GPC5: variants seen among roughly 807,000 people sequenced by gnomAD.
The protein encoded by GPC5 is glypican 5.
A neutral mutation model predicts 53.9 loss-of-function variants in GPC5; 47 were observed. The ratio of observed to expected loss-of-function variants is 0.87; its 90% CI spans 0.69 to 1.11. The LOEUF (loss-of-function observed/expected upper bound fraction) is 1.11, where lower values mean the gene tolerates loss of function less well. GPC5 is among the 50% of genes most tolerant of loss of function. The pLI, the probability that GPC5 is intolerant of heterozygous loss-of-function variation, is 0.00. For synonymous variants in GPC5, 286 were observed against 263.3 expected (o/e 1.09, Z -0.84); for missense variants, 748 against 713.1 (o/e 1.05, Z -0.56).
intron 7 of GPC5, among the ~76,000 whole-genome samples, chr13:92,707,009 A>G (rs1206515678): frequency 1.3e-5 from 2 of 152,140 alleles, no homozygotes; most frequent in African/African-American, 2.4e-5. Context: ...CACCAAGGAA[A>G]GGCCATGAGA....
At chr13:91,941,383 G>A (rs780017458) in intron 6 of GPC5, among the ~76,000 whole-genome samples, 1 of 152,020 alleles carries the variant, frequency 6.6e-6, no homozygotes, top group Non-Finnish European at 1.5e-5. Flanking sequence ...ATTCAATCCA[G>A]TCCTTCAATT....
intron 7 of GPC5, among the ~76,000 whole-genome samples, chr13:92,509,089 G>A (rs1362268839): frequency 6.6e-6 from 1 of 152,110 alleles, no homozygotes; most frequent in Non-Finnish European, 1.5e-5. Flanking sequence ...ACAAGCACTC[G>A]AAGGAAAAAG....
Position 92,347,865 on chromosome 13 carries a change from TA to T in GPC5, c.1561+202877del, listed in dbSNP as rs2043428761. Among the ~76,000 whole-genome samples the T allele has an allele frequency of 1.5e-4, 2 of 13,508 alleles. 1 individual carries two copies. Among genetic ancestry groups the T allele is most frequent in the African/African-American group, 1.4e-3 (2 of 1,448 alleles). 8.9% of individuals were successfully genotyped at this position (13,508 alleles called of 152,430 possible). Reference sequence around the variant, plus strand: ...TAGGCTGTTTTATACATATATATATTATATATATAATATATATTATATATAT... The same window carrying T: ...TAGGCTGTTTTATACATATATATATTTATATATAATATATATTATATATAT... On this transcript the variant is annotated intron_variant, in intron 7 of 7. Transcript: ENST00000377067.
chr13:92,523,355 A>G (rs1036244624), intron 7 of GPC5, among the ~76,000 whole-genome samples: 4 of 152,130 alleles, frequency 2.6e-5, no homozygotes, highest in Non-Finnish European at 5.9e-5. Context: ...ATTTTAGAAC[A>G]TAGTTACTTA....
At chr13:92,377,166 A>G (rs1323079006) in intron 7 of GPC5, among the ~76,000 whole-genome samples, 2 of 152,210 alleles carry the variant, frequency 1.3e-5, no homozygotes, top group East Asian at 1.9e-4. Context: ...ACTCAATGCT[A>G]CCATCATATT....
intron 7 of GPC5, among the ~76,000 whole-genome samples, chr13:92,466,086 G>A (rs367834022): frequency 1.3e-5 from 2 of 152,062 alleles, no homozygotes; most frequent in African/African-American, 4.8e-5. Flanking sequence ...ACAAATGTGA[G>A]GTGACAGATA....
intron 7 of GPC5, among the ~76,000 whole-genome samples, chr13:92,798,260 T>C (rs903039175): frequency 6.6e-6 from 1 of 151,876 alleles, no homozygotes; most frequent in African/African-American, 2.4e-5. Context: ...TTATAAATGT[T>C]TGTTTATGGA....
intron 7 of GPC5, among the ~76,000 whole-genome samples, chr13:92,341,700 G>A (rs1235347874): frequency 2.6e-5 from 4 of 151,992 alleles, no homozygotes. Flanking sequence ...AGGTTGAGAA[G>A]GGAGAATTGC....
rs559469679 is a variant in GPC5 at position 91,544,562 on chromosome 13, T to G, written c.325+95640T>G. Among the ~76,000 whole-genome samples the G allele has an allele frequency of 2.0e-5, 3 of 152,348 alleles. No individual in the cohort carries two copies. In the South Asian group the frequency reaches 6.2e-4, roughly 32 times the overall value. ...TCATTAAATATGTTTCACTAAATTG[T>G]TGTTCAAAAAGTTGTATTCATATTT... On this transcript the variant is annotated intron_variant, in intron 2 of 7. Coordinates refer to ENST00000377067, the MANE Select transcript of GPC5 (RefSeq NM_004466.6).
Position 92,323,571 on chromosome 13 carries a change from T to G in GPC5, c.1561+178582T>G, listed in dbSNP as rs150565300. 8.1e-3 allele frequency among the ~76,000 whole-genome samples: 1,231 copies of G among 151,812 alleles called. 5 individuals carry two copies. Among genetic ancestry groups the G allele is most frequent in the Non-Finnish European group, 0.013 (889 of 67,792 alleles). ...TTTTTATGCACATTGTATTATCTCC[T>G]CAAAAGAACAATTTATTTTTACTTA... On this transcript the variant is annotated intron_variant, in intron 7 of 7. Transcript: ENST00000377067.
chr13:92,615,590 A>C (rs1461110688), intron 7 of GPC5, among the ~76,000 whole-genome samples: 1 of 152,198 alleles, frequency 6.6e-6, no homozygotes, highest in Admixed American at 6.5e-5. Context: ...AAACATCTAG[A>C]GTAAAATTAC....
At chr13:92,429,208 C>A (rs1232500866) in intron 7 of GPC5, among the ~76,000 whole-genome samples, 2 of 151,856 alleles carry the variant, frequency 1.3e-5, no homozygotes, top group African/African-American at 4.8e-5. Flanking sequence ...ATGCAAATAT[C>A]TATCATGAAA....
intron 7 of GPC5, among the ~76,000 whole-genome samples, chr13:92,763,535 A>C (rs1265391954): frequency 6.6e-6 from 1 of 152,118 alleles, no homozygotes; most frequent in African/African-American, 2.4e-5. Flanking sequence ...TCTTGGTATC[A>C]GGTCTGACAC....
At chr13:92,121,875 T>G (rs892071645) in intron 6 of GPC5, among the ~76,000 whole-genome samples, 5 of 152,180 alleles carry the variant, frequency 3.3e-5, no homozygotes, top group African/African-American at 9.7e-5. Flanking sequence ...AGTGCCAAAT[T>G]TATTTGCTTA....
At chr13:92,846,693 T>C (rs1490532819) in intron 7 of GPC5, among the ~76,000 whole-genome samples, 7 of 152,220 alleles carry the variant, frequency 4.6e-5, no homozygotes, top group Non-Finnish European at 1.0e-4. Context: ...TTCCATCTGG[T>C]GGTAAGTGAC....
rs1460299993 is a variant in GPC5, at chr13:92,866,311, G to A, written c.1591G>A (p.Val531Ile). The A allele has an allele frequency of 3.7e-6, 6 of 1,612,320 alleles. No homozygotes were observed. Among genetic ancestry groups the A allele is most frequent in the Middle Eastern group, 1.7e-4 (1 of 6,040 alleles). The change falls in exon 8 of 8, where the codon GTA becomes ATA. Residue 531 changes from valine to isoleucine, a missense_variant. Transcript: ENST00000377067. ...WMPDDMNFSD[V>I]KQIHQTDTGS... ...GCCAGATGATATGAACTTCAGTGAT[G>A]TAAAGCAAATCCATCAAACAGACAC...
intron 6 of GPC5, among the ~76,000 whole-genome samples, chr13:91,918,856 C>T (rs1371095499): frequency 1.3e-5 from 2 of 152,078 alleles, no homozygotes; most frequent in Admixed American, 1.3e-4. Flanking sequence ...TGGGTTCCCA[C>T]GCAGTCCCTT....
intron 3 of GPC5, among the ~76,000 whole-genome samples, chr13:91,717,466 G>C (rs972401244): frequency 6.6e-6 from 1 of 152,184 alleles, no homozygotes; most frequent in African/African-American, 2.4e-5. Flanking sequence ...AGAAGAGCTA[G>C]GGAAAGCTCA....
intron 2 of GPC5, among the ~76,000 whole-genome samples, chr13:91,484,322 T>C (rs1883472858): frequency 6.6e-6 from 1 of 152,198 alleles, no homozygotes; most frequent in Non-Finnish European, 1.5e-5. Context: ...AAATGTTCTG[T>C]CTACCTGATA....
Sources: allele counts gnomAD v4.1 joint callset (sites outside exome capture counted in the v4.1 genomes callset), GRCh38; gene constraint gnomAD v4.1.1; transcripts MANE v1.5; gene names NCBI Gene and HGNC (gene_info 2026-07-23, HGNC 2026-07-21).